The following CDCP1 variants were observed in gnomAD, a reference collection of about 807,000 sequenced individuals.
CDCP1 encodes the protein CUB domain-containing protein 1.
Under a neutral mutation model 60.2 loss-of-function variants are expected in CDCP1, and 29 were observed. The ratio of observed to expected loss-of-function variants is 0.48; its 90% CI spans 0.36 to 0.66. CDCP1 has a LOEUF of 0.66. CDCP1 is among the 30% of genes least tolerant of loss of function. The pLI is 0.00. For missense variants in CDCP1, 876 were observed against 1,074.3 expected, an observed-to-expected ratio of 0.82 and a Z score of 2.58; for synonymous variants, 387 against 431.1, an observed-to-expected ratio of 0.90 and a Z score of 1.27.
At position 45,089,097 on chromosome 3, in the gene CDCP1, G is replaced by GT. The variant is rs771317220; in HGVS notation, c.2037dup (p.Leu680ThrfsTer30). The stretch of plus-strand genomic sequence containing the variant: ...ATGATGAGCCCGAGGGCAGACAGCA[G>GT]TAAGACTCCACCTCCCACCGCTGCG... On this transcript the variant is annotated frameshift_variant, in exon 8 of 9. Coordinates refer to ENST00000296129, the MANE Select transcript of CDCP1 (RefSeq NM_022842.5). LOFTEE classifies it low-confidence loss of function (END_TRUNC). The GT allele has an allele frequency of 1.2e-6, 2 of 1,613,972 alleles. No homozygotes were observed. Among genetic ancestry groups the GT allele is most frequent in the African/African-American group, 2.7e-5 (2 of 74,908 alleles).
intron 8 of CDCP1, among the ~76,000 whole-genome samples, chr3:45,087,428 T>C (rs1698214439): frequency 6.6e-6 from 1 of 152,146 alleles, no homozygotes; most frequent in South Asian, 2.1e-4. Context: ...CTGGATCTCG[T>C]TCCTTGTCCA....
At chr3:45,140,160 G>T (rs995750656) in intron 1 of CDCP1, among the ~76,000 whole-genome samples, 3 of 152,126 alleles carry the variant, frequency 2.0e-5, no homozygotes, top group Non-Finnish European at 2.9e-5. Context: ...TGGCTCCAAG[G>T]GTTTTGTGAC....
intron 4 of CDCP1, among the ~76,000 whole-genome samples, chr3:45,104,661 A>G (rs1388511138): frequency 2.0e-5 from 3 of 152,212 alleles, no homozygotes; most frequent in South Asian, 2.1e-4. Flanking sequence ...TAACCGCTCA[A>G]TGTTCCCTAA....
chr3:45,091,137 T>C lies in CDCP1; in HGVS notation c.1993+36A>G. On this transcript the variant is annotated intron_variant, in intron 7 of 8. Transcript: ENST00000296129. The surrounding 1 kb of genome is among the most constrained non-coding windows in gnomAD (Gnocchi z 4.8). ...CTATCCTCCAGCTGACAATTTTTTGTTCATCACTGTCCCCAAAGACCCTGA... is the reference window on the plus strand; with the variant it reads ...CTATCCTCCAGCTGACAATTTTTTGCTCATCACTGTCCCCAAAGACCCTGA... 6.3e-7 allele frequency: 1 copy of C among 1,578,382 alleles called. No homozygotes were observed. Among genetic ancestry groups the C allele is most frequent in the Non-Finnish European group, 8.6e-7 (1 of 1,160,300 alleles).
chr3:45,082,698 A>T lies in CDCP1; in HGVS notation c.*2940T>A, dbSNP rs11550127. On this transcript the variant is annotated 3_prime_UTR_variant, in exon 9 of 9. Transcript: ENST00000296129. ...TTGTTCCAGTTGACTCTTCCTTGAG[A>T]CCTTTCCCTTCTGTGCAATGACCAC... is the stretch of plus-strand genomic sequence containing the variant. The T allele has an allele frequency of 2.0e-5, 3 of 152,152 alleles. No individual in the cohort carries two copies. The highest frequency in any genetic ancestry group is 2.0e-4 in the Admixed American group (3 of 15,280). 9.4% of individuals were successfully genotyped at this position (152,152 alleles called of 1,614,324 possible). A position where few individuals can be genotyped will look rare whatever the true frequency, so the allele number is the denominator to read the frequency against.
intron 1 of CDCP1, among the ~76,000 whole-genome samples, chr3:45,119,180 C>A (rs1698842696): frequency 6.6e-6 from 1 of 152,092 alleles, no homozygotes; most frequent in Admixed American, 6.5e-5. Context: ...CATATTATAT[C>A]AATGAATTTG....
At chr3:45,127,345 G>A (rs1165422689) in intron 1 of CDCP1, among the ~76,000 whole-genome samples, 1 of 152,182 alleles carries the variant, frequency 6.6e-6, no homozygotes, top group African/African-American at 2.4e-5. Context: ...ACTGCTGATG[G>A]CTCCACAGCT....
rs747281133 is a variant in CDCP1 at position 45,091,543 on chromosome 3, A to G, written c.1628-5T>C. On this transcript the variant is annotated splice_region_variant and splice_polypyrimidine_tract_variant and intron_variant, in intron 6 of 8. Transcript: ENST00000296129. This position sits in a 1 kb window ranked among gnomAD's most constrained non-coding sequence, Gnocchi z 4.8. Reference sequence around the variant, plus strand: ...TCACCGTGAAAACGCCTTCCTCTGCAGGAAAGGGAGGGAGATCCAGACAGA... The same window carrying G: ...TCACCGTGAAAACGCCTTCCTCTGCGGGAAAGGGAGGGAGATCCAGACAGA... 1.3e-6 allele frequency: 2 copies of G among 1,592,276 alleles called. No homozygotes were observed. Among genetic ancestry groups the G allele is most frequent in the Admixed American group, 1.7e-5 (1 of 58,794 alleles).
Position 45,091,634 on chromosome 3 carries a change from C to T in CDCP1, c.1628-96G>A. On this transcript the variant is annotated intron_variant, in intron 6 of 8. Transcript: ENST00000296129. This position sits in a 1 kb window ranked among gnomAD's most constrained non-coding sequence, Gnocchi z 4.8. ...AGGAGACGAAGTCCAACTGTCCAGA[C>T]CAGCGCTGTCTAACCGAACTTTCTG... 8 of 1,406,866 alleles carry T rather than the reference C, an allele frequency of 5.7e-6. No individual in the cohort carries two copies. The highest frequency in any genetic ancestry group is 7.5e-6 in the Non-Finnish European group (8 of 1,065,130). The allele number at this position is 1,406,866 out of a possible 1,614,324, so 87.1% of individuals were successfully genotyped here. A position where few individuals can be genotyped will look rare whatever the true frequency, so the allele number is the denominator to read the frequency against.
In CDCP1 at chr3:45,138,660, C is replaced by G. The variant is rs1185975755; in HGVS notation, c.82+7546G>C. On this transcript the variant is annotated intron_variant, in intron 1 of 8. Transcript: ENST00000296129. ...GGTCAAGAGTTCGAGACCAGCCTGG[C>G]CGACATGGTGAAACCTCGTCTCTAC... Among the ~76,000 whole-genome samples the G allele has an allele frequency of 3.3e-5, 5 of 152,112 alleles. No homozygotes were observed. The South Asian group carries it at 1.0e-3, about 32-fold the overall frequency.
At chr3:45,101,093 C>T (rs561611691) in intron 4 of CDCP1, among the ~76,000 whole-genome samples, 102 of 152,312 alleles carry the variant, frequency 6.7e-4, no homozygotes, top group Admixed American at 3.9e-3. Context: ...AGCAGTCTTG[C>T]GACAGAGTTT....
At chr3:45,146,392 G>T, upstream of CDCP1, 1 of 991,350 alleles carries the variant, frequency 1.0e-6, no homozygotes, top group Non-Finnish European at 1.4e-6. Flanking sequence ...TCACTCACCT[G>T]CGCGCGGGCG....
chr3:45,100,103 G>T (rs1698465897), intron 4 of CDCP1, among the ~76,000 whole-genome samples: 1 of 152,164 alleles, frequency 6.6e-6, no homozygotes, highest in Non-Finnish European at 1.5e-5. Flanking sequence ...GGGTGATATG[G>T]CCAGATTGCT....
intron 1 of CDCP1, among the ~76,000 whole-genome samples, chr3:45,130,250 T>C (rs60738837): frequency 0.024 from 3,693 of 151,986 alleles, 156 homozygotes; most frequent in African/African-American, 0.084. Flanking sequence ...GTCTCCTGGA[T>C]AGCTGGGACC....
chr3:45,111,777 T>C (rs1698697337), intron 3 of CDCP1, among the ~76,000 whole-genome samples: 1 of 152,224 alleles, frequency 6.6e-6, no homozygotes, highest in Non-Finnish European at 1.5e-5. Context: ...GTGAAAGAGA[T>C]GGAAGACAAA....
In CDCP1 at chr3:45,095,353, T is replaced by A; in HGVS notation, c.1240A>T (p.Thr414Ser). ...LTRLWMNVEK[T>S]ISCTDHRYCQ... ...CACTGATTCAGGGGCGTACTTATGGTTTTTTCCACATTCATCCACAGACGT... is the reference window on the plus strand; with the variant it reads ...CACTGATTCAGGGGCGTACTTATGGATTTTTCCACATTCATCCACAGACGT... Residue 414 changes from threonine to serine, a missense_variant, in exon 5 of 9, where the codon ACC becomes TCC. Thr to Ser is a moderately conservative substitution (Grantham distance 58). Coordinates refer to ENST00000296129, the MANE Select transcript of CDCP1 (RefSeq NM_022842.5). 6.2e-7 allele frequency: 1 copy of A among 1,613,888 alleles called. No individual in the cohort carries two copies. Among genetic ancestry groups the A allele is most frequent in the African/African-American group, 1.3e-5 (1 of 74,968 alleles).
At chr3:45,099,189 A>G (rs1344924897) in intron 4 of CDCP1, among the ~76,000 whole-genome samples, 2 of 151,324 alleles carry the variant, frequency 1.3e-5, no homozygotes, top group East Asian at 3.9e-4. Context: ...GCTTCTTGAG[A>G]AAGTATATAT....
intron 1 of CDCP1, among the ~76,000 whole-genome samples, chr3:45,132,108 T>C (rs1008052315): frequency 3.3e-5 from 5 of 151,970 alleles, no homozygotes; most frequent in African/African-American, 1.2e-4. Flanking sequence ...TGGTGGCACA[T>C]GCCTGTAATC....
intron 4 of CDCP1, among the ~76,000 whole-genome samples, chr3:45,102,705 C>T (rs1402505963): frequency 5.3e-5 from 8 of 151,702 alleles, no homozygotes; most frequent in Admixed American, 5.2e-4. Flanking sequence ...ACTCTGTCAA[C>T]TCTGTCACCC....
Sources: gnomAD v4.1 joint callset for allele counts (sites outside exome capture counted in the v4.1 genomes callset) on GRCh38, gnomAD v4.1.1 for gene constraint, Gnocchi (gnomAD v3.1) non-coding constraint, MANE v1.5 for transcripts, NCBI Gene and HGNC (gene_info 2026-07-23, HGNC 2026-07-21) for gene names.